The following SLC22A16 variants were observed in gnomAD, a reference collection of about 807,000 sequenced individuals.
The protein encoded by SLC22A16 is solute carrier family 22 member 16, also known as WUGSC:RG331P03.1.
Under a neutral mutation model 52.9 loss-of-function variants are expected in SLC22A16, and 53 were observed. That is an observed-to-expected ratio of 1.00 (90% CI 0.80 to 1.26). The LOEUF is 1.26. Among genes scored for constraint, SLC22A16 ranks in the 50% most tolerant of loss-of-function variants. The probability of loss-of-function intolerance (pLI) is 0.00; values close to 1 mark genes in which losing one functional copy is unlikely to be tolerated. For synonymous variants in SLC22A16, 291 were observed against 268.8 expected (o/e 1.08, Z -0.81); for missense variants, 726 against 704.0 (o/e 1.03, Z -0.35).
intron 1 of SLC22A16, among the ~76,000 whole-genome samples, chr6:110,467,147 T>G (rs1265445863): frequency 6.6e-6 from 1 of 152,184 alleles, no homozygotes; most frequent in Non-Finnish European, 1.5e-5. Context: ...TTTTGAGACC[T>G]GCTGGTCTAG....
intron 3 of SLC22A16, among the ~76,000 whole-genome samples, chr6:110,445,642 C>T (rs751970498): frequency 6.6e-6 from 1 of 152,166 alleles, no homozygotes. Flanking sequence ...TGGGTGTGGC[C>T]TTGTTTCCTT....
chr6:110,442,935 T>C (rs1345314576), intron 3 of SLC22A16, among the ~76,000 whole-genome samples, 160 bp from the exon 4 acceptor site: 1 of 152,186 alleles, frequency 6.6e-6, no homozygotes, highest in Admixed American at 6.5e-5. Context: ...ATCCGATCTA[T>C]CTTTTTTTCT....
At chr6:110,446,608 TA>T (rs1191499808) in intron 3 of SLC22A16, among the ~76,000 whole-genome samples, 4 of 151,998 alleles carry the variant, frequency 2.6e-5, no homozygotes, top group Non-Finnish European at 4.4e-5. Flanking sequence ...AGAAAGAAAA[TA>T]ATGCCTCAGT....
At chr6:110,431,607 T>C (rs1381108449) in intron 6 of SLC22A16, among the ~76,000 whole-genome samples, 2 of 152,158 alleles carry the variant, frequency 1.3e-5, no homozygotes, top group Admixed American at 6.6e-5. Context: ...TGCTGGGCCA[T>C]CTAGGTTTGT....
chr6:110,446,535 C>T (rs1256889939), intron 3 of SLC22A16, among the ~76,000 whole-genome samples: 2 of 152,136 alleles, frequency 1.3e-5, no homozygotes, highest in African/African-American at 4.8e-5. Flanking sequence ...TGACTTTAAC[C>T]ACACACCTCA....
chr6:110,476,022 T>A, intron 1 of SLC22A16: 1 of 455,536 alleles, frequency 2.2e-6, no homozygotes, highest in Admixed American at 2.4e-5. Context: ...GTATTAGGTT[T>A]TAATAAACGG....
At chr6:110,425,463 T>G in intron 7 of SLC22A16, 1 of 1,274,916 alleles carries the variant, frequency 7.8e-7, no homozygotes, top group Non-Finnish European at 1.0e-6. Context: ...AACTGAGCCC[T>G]GGGTCAGGAC....
At chr6:110,443,304 C>T (rs1775047944) in intron 3 of SLC22A16, among the ~76,000 whole-genome samples, 1 of 152,110 alleles carries the variant, frequency 6.6e-6, no homozygotes, top group Non-Finnish European at 1.5e-5. Context: ...ACCTGCAGAA[C>T]TGGATAAAAT....
At chr6:110,454,763 TATATATATAA>T (rs1478317485) in intron 2 of SLC22A16, among the ~76,000 whole-genome samples, 1 of 65,920 alleles carries the variant, frequency 1.5e-5, no homozygotes, top group East Asian at 5.1e-4. Context: ...TATATACATT[TATATATATAA>T]ATATATATAA....
At chr6:110,435,710 G>A (rs1245625553) in intron 6 of SLC22A16, 142 bp downstream of exon 6, 2 of 595,720 alleles carry the variant, frequency 3.4e-6, no homozygotes, top group Non-Finnish European at 5.9e-6. Context: ...CTCAAAATGA[G>A]TATCAGCATG....
chr6:110,430,260 C>T (rs1419240807), intron 7 of SLC22A16, among the ~76,000 whole-genome samples: 1 of 152,026 alleles, frequency 6.6e-6, no homozygotes, highest in African/African-American at 2.4e-5. Flanking sequence ...AGGCCACTGA[C>T]CTATCCTTAA....
At chr6:110,450,638 A>C (rs2114966756) in intron 2 of SLC22A16, among the ~76,000 whole-genome samples, 1 of 147,928 alleles carries the variant, frequency 6.8e-6, no homozygotes, top group African/African-American at 2.5e-5. Flanking sequence ...AAAAAAAAGC[A>C]TTTACTACAT....
At chr6:110,466,938 T>C (rs915122614) in intron 1 of SLC22A16, among the ~76,000 whole-genome samples, 1 of 151,878 alleles carries the variant, frequency 6.6e-6, no homozygotes, top group African/African-American at 2.4e-5. Flanking sequence ...GATAGATAGA[T>C]AGATAGATAG....
At chr6:110,439,687 A>G (rs989601002) in intron 4 of SLC22A16, among the ~76,000 whole-genome samples, 13 of 152,182 alleles carry the variant, frequency 8.5e-5, no homozygotes, top group Non-Finnish European at 1.6e-4. Flanking sequence ...AGGATAATAT[A>G]AAATACAGGC....
Position 110,456,765 on chromosome 6 carries a change from GCTA to G in SLC22A16, c.303_305del (p.Ser102del), listed in dbSNP as rs765166447. On this transcript the variant is annotated inframe_deletion, in exon 2 of 8. Transcript: ENST00000368919. ...TCGATGTGTTCTCCCTCTTATTCCT[GCTA>G]CACCTTGAGAGCTCCCAGATCTCAC... 14 of 1,613,996 alleles carry G rather than the reference GCTA, an allele frequency of 8.7e-6. No individual in the cohort carries two copies. In the East Asian group the frequency reaches 2.9e-4, roughly 33 times the overall value.
chr6:110,435,327 G>A (rs983395954), intron 6 of SLC22A16, among the ~76,000 whole-genome samples: 5 of 152,266 alleles, frequency 3.3e-5, no homozygotes, highest in Non-Finnish European at 5.9e-5. Flanking sequence ...GGACATCAGC[G>A]GTGCACACAG....
At position 110,442,292 on chromosome 6, in the gene SLC22A16, T is replaced by G; in HGVS notation, c.1135A>C (p.Asn379His). Residue 379 changes from asparagine to histidine, a missense_variant, in exon 4 of 8, where the codon AAT (asparagine) becomes CAT (histidine). Coordinates refer to ENST00000368919, the MANE Select transcript of SLC22A16 (RefSeq NM_033125.4). The part of the protein sequence containing the change: ...GSLGFYSFSL[N>H]SVNLGGNEYL... ...TCATTGCCTCCTAAGTTAACAGAAT[T>G]CAAGGAAAACGAGTAGAATCCCAAA... is the stretch of plus-strand genomic sequence containing the variant. The G allele has an allele frequency of 1.9e-6, 3 of 1,614,174 alleles. No individual in the cohort carries two copies. The highest frequency in any genetic ancestry group is 2.5e-6 in the Non-Finnish European group (3 of 1,180,028).
At chr6:110,474,569 G>A (rs1452175557) in intron 1 of SLC22A16, among the ~76,000 whole-genome samples, 4 of 152,224 alleles carry the variant, frequency 2.6e-5, no homozygotes, top group African/African-American at 9.6e-5. Context: ...AATGATAATA[G>A]CCATGACTTA....
At chr6:110,438,907 C>T (rs1032290139) in intron 4 of SLC22A16, 60 bp from the exon 5 acceptor site, 295 of 1,595,792 alleles carry the variant, frequency 1.8e-4, no homozygotes, top group Middle Eastern at 7.1e-4. Context: ...AGGGGACCCC[C>T]GTCTTCTAAC....
Sources: gnomAD v4.1 joint callset for allele counts (sites outside exome capture counted in the v4.1 genomes callset) on GRCh38, gnomAD v4.1.1 for gene constraint, MANE v1.5 for transcripts, NCBI Gene and HGNC (gene_info 2026-07-23, HGNC 2026-07-21) for gene names.